BMPER: variants seen among roughly 807,000 people sequenced by gnomAD.
BMPER encodes the protein BMP binding endothelial regulator.
A neutral mutation model predicts 87.3 loss-of-function variants in BMPER; 45 were observed. The ratio of observed to expected loss-of-function variants is 0.52; its 90% CI spans 0.41 to 0.66. The LOEUF is 0.66. BMPER is among the 30% of genes least tolerant of loss of function. BMPER has a pLI of 0.00. For synonymous variants in BMPER, 326 were observed against 316.2 expected (o/e 1.03, Z -0.33); for missense variants, 784 against 867.5 (o/e 0.90, Z 1.21).
intron 2 of BMPER, among the ~76,000 whole-genome samples, chr7:33,909,411 G>GC (rs573267071): frequency 7.9e-5 from 12 of 152,064 alleles, no homozygotes; most frequent in Non-Finnish European, 1.6e-4. Flanking sequence ...GGGTTATTTT[G>GC]TTTTTTCTTT....
chr7:34,069,447 T>A (rs537837071), intron 11 of BMPER, among the ~76,000 whole-genome samples: 1 of 152,226 alleles, frequency 6.6e-6, no homozygotes, highest in Non-Finnish European at 1.5e-5. Context: ...TTAGTCCATA[T>A]CAGTCAGGTA....
chr7:34,034,346 G>C (rs529353386), intron 6 of BMPER, among the ~76,000 whole-genome samples: 3 of 152,144 alleles, frequency 2.0e-5, no homozygotes, highest in Admixed American at 6.5e-5. Flanking sequence ...TCATCTTTCA[G>C]TAGGAAGATG....
At chr7:34,131,561 AG>A (rs1227289786) in intron 13 of BMPER, among the ~76,000 whole-genome samples, 1 of 152,156 alleles carries the variant, frequency 6.6e-6, no homozygotes, top group African/African-American at 2.4e-5. Context: ...GGCCTATGGA[AG>A]GATCGGCCCC....
chr7:34,055,702 C>A (rs1038633787), intron 9 of BMPER, among the ~76,000 whole-genome samples: 1 of 152,040 alleles, frequency 6.6e-6, no homozygotes, highest in African/African-American at 2.4e-5. Flanking sequence ...CACAAAGCTA[C>A]CTTTGCAAAG....
intron 3 of BMPER, among the ~76,000 whole-genome samples, chr7:33,948,350 G>T (rs34627035): frequency 0.2 from 30,609 of 152,200 alleles, 3,094 homozygotes; most frequent in Middle Eastern, 0.34. Flanking sequence ...GTTGTGTTCA[G>T]ACCTGAGGTG....
intron 6 of BMPER, among the ~76,000 whole-genome samples, chr7:34,008,185 T>C (rs1786785814): frequency 6.6e-6 from 1 of 152,028 alleles, no homozygotes; most frequent in Non-Finnish European, 1.5e-5. Flanking sequence ...ACTTAAGTTA[T>C]ATGTATTTCC....
chr7:33,905,445 G>T (rs1202725132), upstream of BMPER: 16 of 25,296 alleles, frequency 6.3e-4, no homozygotes, highest in South Asian at 9.6e-4. Context: ...CTCTCCCCCC[G>T]CCCTCCCTCA....
chr7:34,116,448 A>C (rs1358927066), intron 13 of BMPER, among the ~76,000 whole-genome samples: 3 of 152,174 alleles, frequency 2.0e-5, no homozygotes, highest in Admixed American at 6.5e-5. Context: ...ATCTTTAAAG[A>C]AGTTGGTGTT....
At chr7:34,034,051 G>A (rs978400974) in intron 6 of BMPER, among the ~76,000 whole-genome samples, 1 of 152,070 alleles carries the variant, frequency 6.6e-6, no homozygotes, top group African/African-American at 2.4e-5. Context: ...CACAGTTACG[G>A]AGCTGTGGTC....
At chr7:34,102,060 T>C (rs1390320736) in intron 13 of BMPER, among the ~76,000 whole-genome samples, 2 of 152,240 alleles carry the variant, frequency 1.3e-5, no homozygotes, top group East Asian at 1.9e-4. Flanking sequence ...AATTGACTAA[T>C]GTGACTGAAA....
intron 2 of BMPER, among the ~76,000 whole-genome samples, chr7:33,924,690 C>T (rs554181944): frequency 1.3e-5 from 2 of 152,154 alleles, no homozygotes; most frequent in African/African-American, 4.8e-5. Context: ...GAGGGGAGGA[C>T]GAAGTCTTGC....
At chr7:33,946,037 A>G (rs1784886547) in intron 3 of BMPER, among the ~76,000 whole-genome samples, 1 of 152,146 alleles carries the variant, frequency 6.6e-6, no homozygotes, top group Non-Finnish European at 1.5e-5. Flanking sequence ...AATACCCAAG[A>G]CTGGGTAACT....
At chr7:34,149,135 G>A (rs754589770) in intron 14 of BMPER, among the ~76,000 whole-genome samples, 1 of 152,076 alleles carries the variant, frequency 6.6e-6, no homozygotes, top group East Asian at 1.9e-4. Flanking sequence ...AGGCCTCATC[G>A]ATACACTCTC....
At chr7:34,090,453 G>A (rs968401848) in intron 13 of BMPER, among the ~76,000 whole-genome samples, 1 of 151,994 alleles carries the variant, frequency 6.6e-6, no homozygotes, top group Non-Finnish European at 1.5e-5. Flanking sequence ...AATCCAAGAG[G>A]AATAGGCAAA....
intron 2 of BMPER, among the ~76,000 whole-genome samples, chr7:33,927,793 T>C (rs1412021665): frequency 1.3e-5 from 2 of 152,084 alleles, no homozygotes; most frequent in East Asian, 3.9e-4. Flanking sequence ...ATCCTACAGG[T>C]AGTTGGAGTT....
rs1784638080 is a variant in BMPER, at chr7:33,937,569, G to A, written c.319+181G>A. ...GTGTTTGTGTGTATGTGTGTATCTG[G>A]GGCTGGAAGGAAGGGGGCTCTCCTG... On this transcript the variant is annotated intron_variant, in intron 3 of 14. Transcript: ENST00000649409. 6.5e-6 allele frequency: 4 copies of A among 611,710 alleles called. No homozygotes were observed. The South Asian group carries it at 7.8e-5, about 12-fold the overall frequency. 37.9% of individuals were successfully genotyped at this position (611,710 alleles called of 1,614,324 possible).
intron 10 of BMPER, among the ~76,000 whole-genome samples, chr7:34,058,936 A>G (rs139314452): frequency 1.3e-5 from 2 of 152,346 alleles, no homozygotes; most frequent in East Asian, 3.9e-4. Context: ...ATTATAAACA[A>G]AAGTTGCTGT....
At chr7:34,056,763 G>T (rs1041266734) in intron 9 of BMPER, among the ~76,000 whole-genome samples, 1 of 151,984 alleles carries the variant, frequency 6.6e-6, no homozygotes, top group Admixed American at 6.6e-5. Context: ...GATTACAGGT[G>T]CATGCCACCA....
intron 13 of BMPER, among the ~76,000 whole-genome samples, chr7:34,141,356 C>A (rs1050547090): frequency 1.3e-5 from 2 of 151,922 alleles, no homozygotes; most frequent in African/African-American, 4.8e-5. Flanking sequence ...ATGCTTGTAA[C>A]CCCAGCACTT....
Sources: allele counts gnomAD v4.1 joint callset (sites outside exome capture counted in the v4.1 genomes callset), GRCh38; gene constraint gnomAD v4.1.1; transcripts MANE v1.5; gene names NCBI Gene and HGNC (gene_info 2026-07-23, HGNC 2026-07-21).